KLHDC7B: variants seen among roughly 807,000 people sequenced by gnomAD.
KLHDC7B encodes kelch domain-containing protein 7B.
KLHDC7B carries 1 observed loss-of-function variant against 0.6 expected under a neutral mutation model. The ratio of observed to expected loss-of-function variants is 1.71; its 90% CI spans 0.61 to 8.11. The LOEUF (loss-of-function observed/expected upper bound fraction) is 8.11. Among genes scored for constraint, KLHDC7B ranks in the 30% most tolerant of loss-of-function variants. The pLI, the probability that KLHDC7B is intolerant of heterozygous loss-of-function variation, is 0.13. For synonymous variants in KLHDC7B, 462 were observed against 405.2 expected (o/e 1.14, Z -1.68); for missense variants, 993 against 894.9 (o/e 1.11, Z -1.40).
In KLHDC7B at chr22:50,548,895, C is replaced by T. The variant is rs754753447; in HGVS notation, c.2652C>T (p.Tyr884=). The change falls in exon 1 of 1, where the codon TAC becomes TAT. Residue 884 remains tyrosine, a synonymous_variant. Coordinates refer to ENST00000648057, the MANE Select transcript of KLHDC7B (RefSeq NM_138433.5). The surrounding 1 kb of genome is among the most constrained non-coding windows in gnomAD (Gnocchi z 5.3). ...HGEPGLAQET[Y]ALMSDNLLRV... Reference sequence around the variant, plus strand: ...AGCCCGGCCTGGCGCAGGAGACCTACGCGCTGATGAGCGACAACCTGCTGC... The same window carrying T: ...AGCCCGGCCTGGCGCAGGAGACCTATGCGCTGATGAGCGACAACCTGCTGC... The T allele has an allele frequency of 1.1e-5, 17 of 1,583,388 alleles. No homozygotes were observed. Among genetic ancestry groups the T allele is most frequent in the Middle Eastern group, 1.7e-4 (1 of 5,906 alleles).
Position 50,549,612 on chromosome 22 carries a change from C to CCGG in KLHDC7B, c.3372_3374dup (p.Arg1125dup), listed in dbSNP as rs1315048207. 1.3e-6 allele frequency: 2 copies of CCGG among 1,559,386 alleles called. No individual in the cohort carries two copies. The highest frequency in any genetic ancestry group is 2.7e-5 in the African/African-American group (2 of 73,754). On this transcript the variant is annotated inframe_insertion, in exon 1 of 1. Coordinates refer to ENST00000648057, the MANE Select transcript of KLHDC7B (RefSeq NM_138433.5). ...ACGAGTGCCCATACAGTGCCAGCCA[C>CCGG]CGGCGTTCCAGCGACATCGTGGCAC...
Position 50,547,452 on chromosome 22 carries a change from C to A in KLHDC7B, c.1209C>A (p.Ala403=). The change falls in exon 1 of 1, where the codon GCC becomes GCA. Residue 403 remains alanine (A), a synonymous_variant. Coordinates refer to ENST00000648057, the MANE Select transcript of KLHDC7B (RefSeq NM_138433.5). Reference sequence around the variant, plus strand: ...CGGAGCAAGCAAAGCCGGCTGCAGCCGGCCACAGCCGCGCGCCCTCCCGGA... The same window carrying A: ...CGGAGCAAGCAAAGCCGGCTGCAGCAGGCCACAGCCGCGCGCCCTCCCGGA... ...RPPEQAKPAA[A]GHSRAPSRSR... is the part of the protein sequence containing the mutation. The A allele has an allele frequency of 2.7e-6, 1 of 376,338 alleles. No homozygotes were observed. The highest frequency in any genetic ancestry group is 4.7e-6 in the Non-Finnish European group (1 of 212,116). 23.3% of individuals were successfully genotyped at this position (376,338 alleles called of 1,614,324 possible).
At position 50,549,746 on chromosome 22, in the gene KLHDC7B, C is replaced by T. The variant is rs1347239636; in HGVS notation, c.3503C>T (p.Pro1168Leu). Reference protein sequence around the residue: ...SWSRAASLPLPAPAPLHCTTL... With the variant: ...SWSRAASLPLLAPAPLHCTTL... ...AGCAGGGCTGCCTCCCTGCCCCTGC[C>T]CGCCCCCGCCCCACTGCACTGCACC... The change falls in exon 1 of 1, where the codon CCC (proline) becomes CTC (leucine). Residue 1168 changes from proline (P) to leucine (L), a missense_variant. Transcript: ENST00000648057. 7 of 1,477,252 alleles carry T rather than the reference C, an allele frequency of 4.7e-6. No individual in the cohort carries two copies. The highest frequency in any genetic ancestry group is 1.4e-5 in the African/African-American group (1 of 70,954). 91.5% of individuals were successfully genotyped at this position (1,477,252 alleles called of 1,614,324 possible). A position where few individuals can be genotyped will look rare whatever the true frequency, so the allele number is the denominator to read the frequency against.
Position 50,549,015 on chromosome 22 carries a change from G to A in KLHDC7B, c.2772G>A (p.Leu924=), listed in dbSNP as rs564838832. ...GGACCGGCCGGGGCCGGGCGGTGCTGGGCGTCCTCGTACTGCCCAGCCTCT... is the reference window on the plus strand; with the variant it reads ...GGACCGGCCGGGGCCGGGCGGTGCTAGGCGTCCTCGTACTGCCCAGCCTCT... ...SLRTGRGRAV[L]GVLVLPSLYQ... The change falls in exon 1 of 1, where the codon CTG becomes CTA. Residue 924 remains leucine (L), a synonymous_variant. Coordinates refer to ENST00000648057, the MANE Select transcript of KLHDC7B (RefSeq NM_138433.5). 9 of 1,596,362 alleles carry A rather than the reference G, an allele frequency of 5.6e-6. No homozygotes were observed. The highest frequency in any genetic ancestry group is 5.5e-5 in the South Asian group (5 of 90,382).
Position 50,548,431 on chromosome 22 carries a change from G to T in KLHDC7B, c.265G>T (p.Glu89Ter). The change falls in exon 1 of 1, where the codon GAG becomes TAG. Residue 89 changes from glutamate (E) to a stop codon, truncating the protein, a stop_gained. Transcript: ENST00000395676. LOFTEE classifies it low-confidence loss of function (END_TRUNC). The surrounding 1 kb of genome is among the most constrained non-coding windows in gnomAD (Gnocchi z 5.3). ...AGGCCTAAGAGGAGAGGGAACCAGG[G>T]AGAAAAGTCTAGACCCGCTGCCCCA... 1 of 1,577,648 alleles carries T rather than the reference G, an allele frequency of 6.3e-7. No homozygotes were observed. The highest frequency in any genetic ancestry group is 2.3e-5 in the East Asian group (1 of 43,548).
Position 50,548,502 on chromosome 22 carries a change from G to T in KLHDC7B, c.2259G>T (p.Pro753=). ...CCGCACAGCCCCCCGCGCAGAGGCC[G>T]CCTGGCCCCGCGGCCTCCTCCTCTG... ...RGPAQPPAQR[P]PGPAASSSAR... is the part of the protein sequence containing the mutation. Residue 753 remains proline (P), a synonymous_variant, in exon 1 of 1, where the codon CCG becomes CCT. Coordinates refer to ENST00000648057, the MANE Select transcript of KLHDC7B (RefSeq NM_138433.5). The surrounding 1 kb of genome is among the most constrained non-coding windows in gnomAD (Gnocchi z 5.3). 1 of 1,558,350 alleles carries T rather than the reference G, an allele frequency of 6.4e-7. No homozygotes were observed. The highest frequency in any genetic ancestry group is 1.4e-5 in the African/African-American group (1 of 73,850).
In KLHDC7B at chr22:50,547,255, A is replaced by C. The variant is rs1009386401; in HGVS notation, c.1012A>C (p.Ser338Arg). Residue 338 changes from serine (S) to arginine (R), a missense_variant, in exon 1 of 1, where the codon AGC (serine) becomes CGC (arginine). Ser to Arg is a moderately radical substitution (Grantham distance 110, BLOSUM62 -1). Coordinates refer to ENST00000648057, the MANE Select transcript of KLHDC7B (RefSeq NM_138433.5). ...WVSREVPGTR[S>R]FGPAPDSTRP... ...CAGCAGGGAGGTCCCGGGCACCCGGAGCTTTGGCCCAGCCCCAGACTCCAC... is the reference window on the plus strand; with the variant it reads ...CAGCAGGGAGGTCCCGGGCACCCGGCGCTTTGGCCCAGCCCCAGACTCCAC... 4.0e-5 allele frequency among the ~76,000 whole-genome samples: 6 copies of C among 151,694 alleles called. No homozygotes were observed. The highest frequency in any genetic ancestry group is 7.4e-5 in the Non-Finnish European group (5 of 67,852).
Position 50,548,669 on chromosome 22 carries a change from G to A in KLHDC7B, c.2426G>A (p.Arg809His). 1 of 1,518,018 alleles carries A rather than the reference G, an allele frequency of 6.6e-7. No homozygotes were observed. The allele number at this position is 1,518,018 out of a possible 1,614,324, so 94.0% of individuals were successfully genotyped here. The change falls in exon 1 of 1, where the codon CGC (arginine) becomes CAC (histidine). Residue 809 changes from arginine to histidine, a missense_variant. Transcript: ENST00000648057. This position sits in a 1 kb window ranked among gnomAD's most constrained non-coding sequence, Gnocchi z 5.3. Reference sequence around the variant, plus strand: ...GGGGAGGGGGGCAGCCCTGCCGGCCGCAGCGGGGCGCTCACGGAAAAGCAG... The same window carrying A: ...GGGGAGGGGGGCAGCCCTGCCGGCCACAGCGGGGCGCTCACGGAAAAGCAG... ...APGEGGSPAG[R>H]SGALTEKQEE...
Position 50,548,149 on chromosome 22 carries a change from T to C in KLHDC7B, c.1906T>C (p.Trp636Arg). Reference protein sequence around the residue: ...RYQEGQVSASWGNLIAMVLRS... With the variant: ...RYQEGQVSASRGNLIAMVLRS... ...CCAGGAGGGGCAGGTCTCAGCCAGC[T>C]GGGGAAACCTTATTGCCATGGTTCT... Residue 636 changes from tryptophan (W) to arginine (R), a missense_variant, in exon 1 of 1, where the codon TGG (tryptophan) becomes CGG (arginine). Trp to Arg is a moderately radical substitution (Grantham distance 101). Coordinates refer to ENST00000648057, the MANE Select transcript of KLHDC7B (RefSeq NM_138433.5). This position sits in a 1 kb window ranked among gnomAD's most constrained non-coding sequence, Gnocchi z 5.3. 1 of 1,483,042 alleles carries C rather than the reference T, an allele frequency of 6.7e-7. No homozygotes were observed. The highest frequency in any genetic ancestry group is 1.3e-5 in the South Asian group (1 of 74,552). The allele number at this position is 1,483,042 out of a possible 1,614,324, so 91.9% of individuals were successfully genotyped here.
chr22:50,549,598 T>C lies in KLHDC7B; in HGVS notation c.3355T>C (p.Tyr1119His), dbSNP rs143633647. 6 of 1,566,888 alleles carry C rather than the reference T, an allele frequency of 3.8e-6. No individual in the cohort carries two copies. Among genetic ancestry groups the C allele is most frequent in the Non-Finnish European group, 5.2e-6 (6 of 1,152,594 alleles). The change falls in exon 1 of 1, where the codon TAC becomes CAC. Residue 1119 changes from tyrosine (Y) to histidine (H), a missense_variant. Transcript: ENST00000648057. ...PVKDAWDECP[Y>H]SASHRRSSDI... ...GAAGGATGCTTGGGACGAGTGCCCA[T>C]ACAGTGCCAGCCACCGGCGTTCCAG...
Position 50,549,804 on chromosome 22 carries a change from C to T in KLHDC7B, c.3561C>T (p.Pro1187=), listed in dbSNP as rs1011825459. 6 of 1,595,454 alleles carry T rather than the reference C, an allele frequency of 3.8e-6. No individual in the cohort carries two copies. The highest frequency in any genetic ancestry group is 2.7e-5 in the African/African-American group (2 of 74,602). Reference sequence around the variant, plus strand: ...GCAACACCATTTACTGCCTCAACCCCCAGGTCACTGCCACCTTCACGGTCT... The same window carrying T: ...GCAACACCATTTACTGCCTCAACCCTCAGGTCACTGCCACCTTCACGGTCT... The part of the protein sequence containing the change: ...TLGNTIYCLN[P]QVTATFTVSG... Residue 1187 remains proline, a synonymous_variant, in exon 1 of 1, where the codon CCC becomes CCT. Coordinates refer to ENST00000648057, the MANE Select transcript of KLHDC7B (RefSeq NM_138433.5).
Position 50,549,447 on chromosome 22 carries a change from C to T in KLHDC7B, c.3204C>T (p.Ala1068=). 1 of 1,612,706 alleles carries T rather than the reference C, an allele frequency of 6.2e-7. No individual in the cohort carries two copies. Among genetic ancestry groups the T allele is most frequent in the Non-Finnish European group, 8.5e-7 (1 of 1,179,908 alleles). ...SMECYDPRTD[A]WTPRAPLPAG... ...AGTGCTACGACCCGCGAACAGACGC[C>T]TGGACCCCACGCGCGCCACTCCCCG... is the stretch of plus-strand genomic sequence containing the variant. Residue 1068 remains alanine (A), a synonymous_variant, in exon 1 of 1, where the codon GCC becomes GCT. Coordinates refer to ENST00000648057, the MANE Select transcript of KLHDC7B (RefSeq NM_138433.5).
chr22:50,549,116 C>G lies in KLHDC7B; in HGVS notation c.2873C>G (p.Pro958Arg). The stretch of plus-strand genomic sequence containing the variant: ...CCTGCGGCGGCCCCTGTGTCCCTGC[C>G]TCTACCTGCGCACCTGCATGTGTTC... The part of the protein sequence containing the change: ...EPPAAAPVSL[P>R]LPAHLHVFNP... Residue 958 changes from proline (P) to arginine (R), a missense_variant, in exon 1 of 1, where the codon CCT (proline) becomes CGT (arginine). Coordinates refer to ENST00000648057, the MANE Select transcript of KLHDC7B (RefSeq NM_138433.5). 6.2e-7 allele frequency: 1 copy of G among 1,602,022 alleles called. No homozygotes were observed. The highest frequency in any genetic ancestry group is 8.5e-7 in the Non-Finnish European group (1 of 1,179,782).
Position 50,548,593 on chromosome 22 carries a change from G to A in KLHDC7B, c.2350G>A (p.Glu784Lys). The A allele has an allele frequency of 6.5e-7, 1 of 1,545,826 alleles. No homozygotes were observed. Among genetic ancestry groups the A allele is most frequent in the Non-Finnish European group, 8.7e-7 (1 of 1,146,506 alleles). The change falls in exon 1 of 1, where the codon GAG becomes AAG. Residue 784 changes from glutamate to lysine, a missense_variant. By Grantham distance (56) the Glu-to-Lys change is moderately conservative (BLOSUM62 1). Transcript: ENST00000648057. This position sits in a 1 kb window ranked among gnomAD's most constrained non-coding sequence, Gnocchi z 5.3. ...RSRCEIAPSS[E>K]QEVRPAASGD... is the part of the protein sequence containing the mutation. ...CAGGTGCGAAATCGCCCCGAGCTCG[G>A]AGCAGGAGGTCAGGCCGGCCGCCTC...
At position 50,547,305 on chromosome 22, in the gene KLHDC7B, T is replaced by C. The variant is rs1445219622; in HGVS notation, c.1062T>C (p.Pro354=). ...CGCGCCCCTGGCTAGAGAGTCCGCCTCAAGGTCGCCCACTCTCGTCCCAAG... is the reference window on the plus strand; with the variant it reads ...CGCGCCCCTGGCTAGAGAGTCCGCCCCAAGGTCGCCCACTCTCGTCCCAAG... ...DSTRPWLESP[P]QGRPLSSQGP... is the part of the protein sequence containing the mutation. Residue 354 remains proline, a synonymous_variant, in exon 1 of 1, where the codon CCT becomes CCC. Transcript: ENST00000648057. Among the ~76,000 whole-genome samples, 1 of 151,242 alleles carries C rather than the reference T, an allele frequency of 6.6e-6. No individual in the cohort carries two copies. Among genetic ancestry groups the C allele is most frequent in the Non-Finnish European group, 1.5e-5 (1 of 67,746 alleles).
chr22:50,546,169 G>A lies in KLHDC7B; in HGVS notation c.-75G>A, dbSNP rs1392709899. On this transcript the variant is annotated 5_prime_UTR_variant, in exon 1 of 1. Transcript: ENST00000648057. Reference sequence around the variant, plus strand: ...GCAGCCCTTGGGGCAGGCGCTGGCCGGTGCCTCAGCCCAGGCCTCTGTGCT... The same window carrying A: ...GCAGCCCTTGGGGCAGGCGCTGGCCAGTGCCTCAGCCCAGGCCTCTGTGCT... Among the ~76,000 whole-genome samples, 1 of 152,194 alleles carries A rather than the reference G, an allele frequency of 6.6e-6. No homozygotes were observed. Among genetic ancestry groups the A allele is most frequent in the African/African-American group, 2.4e-5 (1 of 41,438 alleles).
At position 50,546,782 on chromosome 22, in the gene KLHDC7B, C is replaced by T. The variant is rs1321836772; in HGVS notation, c.539C>T (p.Thr180Ile). ...TCCGCCCCCCTCCTGATCCACTTCA[C>T]TCCTCGGAGCCCTGGCAGCGAAGCG... The part of the protein sequence containing the change: ...GMSAPLLIHF[T>I]PRSPGSEAEA... Residue 180 changes from threonine to isoleucine, a missense_variant, in exon 1 of 1, where the codon ACT becomes ATT. Physicochemically the swap from Thr to Ile is moderately conservative, Grantham distance 89. Coordinates refer to ENST00000648057, the MANE Select transcript of KLHDC7B (RefSeq NM_138433.5). 6.6e-6 allele frequency among the ~76,000 whole-genome samples: 1 copy of T among 152,180 alleles called. No homozygotes were observed. Among genetic ancestry groups the T allele is most frequent in the Admixed American group, 6.5e-5 (1 of 15,288 alleles).
At position 50,547,526 on chromosome 22, in the gene KLHDC7B, C is replaced by A. The variant is rs933041685; in HGVS notation, c.1283C>A (p.Pro428Gln). The A allele has an allele frequency of 5.3e-5, 21 of 398,404 alleles. No homozygotes were observed. The South Asian group carries it at 1.4e-3, about 26-fold the overall frequency. 24.7% of individuals were successfully genotyped at this position (398,404 alleles called of 1,614,324 possible). Residue 428 changes from proline to glutamine, a missense_variant, in exon 1 of 1, where the codon CCG becomes CAG. Physicochemically the swap from Pro to Gln is moderately conservative, Grantham distance 76. Transcript: ENST00000648057. Reference protein sequence around the residue: ...RSASPPAAPGPGFPPEALTLP... With the variant: ...RSASPPAAPGQGFPPEALTLP... ...GCCTCCCCGCCCGCAGCTCCCGGCCCGGGGTTCCCACCTGAAGCCCTGACT... is the reference window on the plus strand; with the variant it reads ...GCCTCCCCGCCCGCAGCTCCCGGCCAGGGGTTCCCACCTGAAGCCCTGACT...
Position 50,549,466 on chromosome 22 carries a change from C to A in KLHDC7B, c.3223C>A (p.Leu1075Ile), listed in dbSNP as rs754324695. Residue 1075 changes from leucine (L) to isoleucine (I), a missense_variant, in exon 1 of 1, where the codon CTC becomes ATC. By Grantham distance (5) the Leu-to-Ile change is conservative. Coordinates refer to ENST00000648057, the MANE Select transcript of KLHDC7B (RefSeq NM_138433.5). ...RTDAWTPRAP[L>I]PAGTFPVAHE... Reference sequence around the variant, plus strand: ...AGACGCCTGGACCCCACGCGCGCCACTCCCCGCAGGCACCTTCCCTGTGGC... The same window carrying A: ...AGACGCCTGGACCCCACGCGCGCCAATCCCCGCAGGCACCTTCCCTGTGGC... 6.2e-7 allele frequency: 1 copy of A among 1,612,620 alleles called. No homozygotes were observed. Among genetic ancestry groups the A allele is most frequent in the Non-Finnish European group, 8.5e-7 (1 of 1,179,898 alleles).
Sources: allele counts gnomAD v4.1 joint callset (sites outside exome capture counted in the v4.1 genomes callset), GRCh38; gene constraint gnomAD v4.1.1; non-coding constraint Gnocchi (gnomAD v3.1); transcripts MANE v1.5; gene names NCBI Gene and HGNC (gene_info 2026-07-23, HGNC 2026-07-21).